Variants in TRPM6 observed in about 807,000 individuals in gnomAD.
TRPM6 encodes channel kinase 2.
TRPM6 carries 111 observed loss-of-function variants against 247.6 expected under a neutral mutation model. That is an observed-to-expected ratio of 0.45 (90% CI 0.38 to 0.52). The LOEUF is 0.52. TRPM6 is among the 20% of genes least tolerant of loss of function. TRPM6 has a pLI of 0.00. For synonymous variants in TRPM6, 892 were observed against 853.8 expected, an observed-to-expected ratio of 1.04 and a Z score of -0.78; for missense variants, 2,126 against 2,421.5, an observed-to-expected ratio of 0.88 and a Z score of 2.56.
Position 74,820,187 on chromosome 9 carries a change from T to C in TRPM6, c.1134+117A>G, listed in dbSNP as rs1355233504. The C allele has an allele frequency of 6.0e-6, 7 of 1,172,148 alleles. No individual in the cohort carries two copies. The African/African-American group carries it at 9.2e-5, about 15-fold the overall frequency. The allele number at this position is 1,172,148 out of a possible 1,614,324, so 72.6% of individuals were successfully genotyped here. On this transcript the variant is annotated intron_variant, in intron 9 of 38. Coordinates refer to ENST00000360774, the MANE Select transcript of TRPM6 (RefSeq NM_017662.5). ...CCCCCTCCACCCTGACAGGCCCCTG[T>C]ATGTTGTTCCCCTTCCTGTGTCCAC... is the stretch of plus-strand genomic sequence containing the variant.
In TRPM6 at chr9:74,812,453, G is replaced by T. The variant is rs756141446; in HGVS notation, c.1309-20C>A. The T allele has an allele frequency of 1.6e-5, 26 of 1,601,974 alleles. No individual in the cohort carries two copies. Among genetic ancestry groups the T allele is most frequent in the African/African-American group, 4.1e-5 (3 of 72,624 alleles). On this transcript the variant is annotated intron_variant, in intron 11 of 38. Transcript: ENST00000360774. The stretch of plus-strand genomic sequence containing the variant: ...ATCAGGCTTCAGAAAGCACAAATAA[G>T]AAATATAAAGACAATTAAGAAAGTA...
chr9:74,771,265 T>G (rs1438123786), intron 25 of TRPM6, among the ~76,000 whole-genome samples: 2 of 152,156 alleles, frequency 1.3e-5, no homozygotes, highest in Non-Finnish European at 2.9e-5. Context: ...CTCCGCTAGA[T>G]TTCACGCCAC....
chr9:74,731,730 A>T (rs1825528693), intron 37 of TRPM6, among the ~76,000 whole-genome samples: 2 of 149,220 alleles, frequency 1.3e-5, no homozygotes, highest in Admixed American at 6.7e-5. Flanking sequence ...TATATATATA[A>T]AACTACCACC....
chr9:74,787,654 C>T (rs1358906930), intron 20 of TRPM6, among the ~76,000 whole-genome samples: 2 of 152,160 alleles, frequency 1.3e-5, no homozygotes, highest in African/African-American at 4.8e-5. Context: ...ACATCTAAAA[C>T]AGTCTGAGTC....
At chr9:74,726,435 G>A (rs182367554) in intron 38 of TRPM6, among the ~76,000 whole-genome samples, 203 of 152,222 alleles carry the variant, frequency 1.3e-3, no homozygotes, top group South Asian at 8.7e-3. Flanking sequence ...ACTTGAACCC[G>A]GGAGACGGAG....
At chr9:74,805,080 G>A (rs1489953888) in intron 14 of TRPM6, among the ~76,000 whole-genome samples, 1 of 152,140 alleles carries the variant, frequency 6.6e-6, no homozygotes, top group East Asian at 1.9e-4. Flanking sequence ...CTTCAAATGA[G>A]CAAAGACTGA....
intron 1 of TRPM6, among the ~76,000 whole-genome samples, chr9:74,877,722 G>A (rs1032336465): frequency 2.0e-5 from 3 of 152,132 alleles, no homozygotes; most frequent in Admixed American, 6.5e-5. Flanking sequence ...CTGAGGAAAG[G>A]CAGCCTCATT....
chr9:74,815,762 A>G (rs1828903314), intron 11 of TRPM6, among the ~76,000 whole-genome samples: 1 of 152,262 alleles, frequency 6.6e-6, no homozygotes, highest in African/African-American at 2.4e-5. Flanking sequence ...CTTAAGTACT[A>G]GCTCTTGTGA....
intron 21 of TRPM6, among the ~76,000 whole-genome samples, chr9:74,783,890 G>A (rs1191490739): frequency 1.3e-5 from 2 of 152,116 alleles, no homozygotes; most frequent in Non-Finnish European, 2.9e-5. Flanking sequence ...TATCCTAGAA[G>A]GAAAAGCCAA....
intron 20 of TRPM6, among the ~76,000 whole-genome samples, 196 bp from the exon 21 acceptor site, chr9:74,786,321 T>G (rs561367221): frequency 6.6e-6 from 1 of 152,358 alleles, no homozygotes; most frequent in South Asian, 2.1e-4. Flanking sequence ...AGATATAATT[T>G]AAGTCATTTG....
Position 74,762,079 on chromosome 9 carries a change from C to A in TRPM6, c.4592G>T (p.Arg1531Leu). The A allele has an allele frequency of 1.2e-6, 2 of 1,614,176 alleles. No individual in the cohort carries two copies. The highest frequency in any genetic ancestry group is 1.7e-6 in the Non-Finnish European group (2 of 1,180,034). ...ACTCCTAGCGAAGGGCCTGTATCTG[C>A]GGAGAGGATTGATCCAAAAGGATGT... ...PNTSFWINPL[R>L]RYRPFARSHS... Residue 1531 changes from arginine (R) to leucine (L), a missense_variant, in exon 26 of 39, where the codon CGC becomes CTC. Around this residue, in one of 3 missense-constraint regions of TRPM6, gnomAD observed 717 missense variants for 715.9 expected, o/e 1.00. Transcript: ENST00000360774.
intron 1 of TRPM6, chr9:74,875,304 A>G (rs754487348): frequency 2.2e-6 from 1 of 453,520 alleles, no homozygotes. Context: ...GCAGTTTGGG[A>G]GACCGAGGTG....
At chr9:74,753,672 G>C (rs967097076) in intron 28 of TRPM6, among the ~76,000 whole-genome samples, 1 of 152,130 alleles carries the variant, frequency 6.6e-6, no homozygotes, top group Non-Finnish European at 1.5e-5. Context: ...CTCCAGCTTG[G>C]GTGATGGAGC....
At chr9:74,812,499 T>C (rs1828768863) in intron 11 of TRPM6, 66 bp from the exon 12 acceptor site, 17 of 1,490,596 alleles carry the variant, frequency 1.1e-5, no homozygotes, top group Admixed American at 1.7e-5. Context: ...AAGAATTACA[T>C]GTTTTTGAAC....
intron 1 of TRPM6, among the ~76,000 whole-genome samples, chr9:74,876,650 C>T (rs1831199631): frequency 6.6e-6 from 1 of 152,208 alleles, no homozygotes; most frequent in African/African-American, 2.4e-5. Context: ...ACCCACAACA[C>T]TTGTGCTTAT....
chr9:74,867,211 A>T (rs1830873257), intron 1 of TRPM6, among the ~76,000 whole-genome samples: 1 of 152,208 alleles, frequency 6.6e-6, no homozygotes, highest in Non-Finnish European at 1.5e-5. Flanking sequence ...TGTATTCATC[A>T]TGTACCCTTG....
intron 3 of TRPM6, among the ~76,000 whole-genome samples, chr9:74,845,716 T>G (rs1830088483): frequency 6.6e-6 from 1 of 151,802 alleles, no homozygotes; most frequent in South Asian, 2.1e-4. Flanking sequence ...GTCTGTAATC[T>G]CAGCTACTAG....
At chr9:74,789,197 G>A (rs1002591008) in intron 19 of TRPM6, among the ~76,000 whole-genome samples, 6 of 152,194 alleles carry the variant, frequency 3.9e-5, no homozygotes, top group Admixed American at 1.3e-4. Context: ...ACTGCTGGGA[G>A]TTCTATTTTA....
chr9:74,726,482 C>T (rs537349634), intron 38 of TRPM6, among the ~76,000 whole-genome samples: 50 of 152,124 alleles, frequency 3.3e-4, no homozygotes, highest in Non-Finnish European at 6.6e-4. Context: ...TACACTCCAG[C>T]CTGGATGACA....
Sources: allele counts gnomAD v4.1 joint callset (sites outside exome capture counted in the v4.1 genomes callset), GRCh38; gene constraint gnomAD v4.1.1; regional missense constraint gnomAD v4.1.1; transcripts MANE v1.5; gene names NCBI Gene and HGNC (gene_info 2026-07-23, HGNC 2026-07-21).